TMEM140: variants seen among roughly 807,000 people sequenced by gnomAD.
The protein encoded by TMEM140 is transmembrane protein 140.
For synonymous variants in TMEM140, 107 were observed against 106.8 expected (o/e 1.00, Z -0.01); for missense variants, 236 against 228.5 (o/e 1.03, Z -0.21).
At position 135,165,142 on chromosome 7, in the gene TMEM140, G is replaced by A; in HGVS notation, c.*143G>A. ...GAGGAGGTGGGGCCCCTGTGTCAAAGAGGCCGAGGGGCAGCAAGGGCAGCC... is the reference window on the plus strand; with the variant it reads ...GAGGAGGTGGGGCCCCTGTGTCAAAAAGGCCGAGGGGCAGCAAGGGCAGCC... On this transcript the variant is annotated 3_prime_UTR_variant, in exon 2 of 2. Coordinates refer to ENST00000275767, the MANE Select transcript of TMEM140 (RefSeq NM_018295.5). The A allele has an allele frequency of 1.0e-6, 1 of 977,188 alleles. No individual in the cohort carries two copies. The highest frequency in any genetic ancestry group is 1.9e-5 in the South Asian group (1 of 51,504). The allele number at this position is 977,188 out of a possible 1,614,324, so 60.5% of individuals were successfully genotyped here.
intron 1 of TMEM140, among the ~76,000 whole-genome samples, chr7:135,160,062 A>G (rs1829889240): frequency 6.6e-6 from 1 of 152,254 alleles, no homozygotes; most frequent in East Asian, 1.9e-4. Flanking sequence ...ATGTTTAGGA[A>G]CCATTTCTAG....
intron 1 of TMEM140, among the ~76,000 whole-genome samples, chr7:135,156,160 T>G (rs1829787959): frequency 6.6e-6 from 1 of 152,228 alleles, no homozygotes; most frequent in Non-Finnish European, 1.5e-5. Context: ...ACTAGTCACT[T>G]TTGCTAATTT....
chr7:135,155,615 G>T (rs1026587457), intron 1 of TMEM140, among the ~76,000 whole-genome samples: 1 of 152,198 alleles, frequency 6.6e-6, no homozygotes, highest in African/African-American at 2.4e-5. Flanking sequence ...ATTAATTGAT[G>T]CCAGGCAGGG....
Position 135,164,966 on chromosome 7 carries a change from T to C in TMEM140, c.525T>C (p.Ala175=), listed in dbSNP as rs749478586. 1.2e-6 allele frequency: 2 copies of C among 1,604,118 alleles called. No individual in the cohort carries two copies. Among genetic ancestry groups the C allele is most frequent in the East Asian group, 2.2e-5 (1 of 44,650 alleles). Residue 175 remains alanine, a synonymous_variant, in exon 2 of 2, where the codon GCT becomes GCC. Transcript: ENST00000275767. ...CCATGGCTGTGTTCCCTCTGAGGGCTGAGAGGGCTGAGAGCAAGCTTGAGA... is the reference window on the plus strand; with the variant it reads ...CCATGGCTGTGTTCCCTCTGAGGGCCGAGAGGGCTGAGAGCAAGCTTGAGA... ...LIAMAVFPLR[A]ERAESKLESC
chr7:135,148,093 G>A lies in TMEM140; in HGVS notation c.-202G>A, dbSNP rs753203033. The A allele has an allele frequency of 2.2e-6, 1 of 456,158 alleles. No individual in the cohort carries two copies. The allele number at this position is 456,158 out of a possible 1,614,324, so 28.3% of individuals were successfully genotyped here. Reference sequence around the variant, plus strand: ...GTTCAGAGAGCTGTTTACTAGGCACGACTGCGAAGGCAAGGGGGCACCAGC... The same window carrying A: ...GTTCAGAGAGCTGTTTACTAGGCACAACTGCGAAGGCAAGGGGGCACCAGC... On this transcript the variant is annotated 5_prime_UTR_variant, in exon 1 of 2. Transcript: ENST00000275767.
rs1210146839 is a variant in TMEM140 at position 135,164,801 on chromosome 7, G to A, written c.360G>A (p.Leu120=). The A allele has an allele frequency of 6.2e-7, 1 of 1,614,118 alleles. No individual in the cohort carries two copies. The highest frequency in any genetic ancestry group is 2.2e-5 in the East Asian group (1 of 44,882). The stretch of plus-strand genomic sequence containing the variant: ...CGTGGCGGCTGGCAGTGGGCTTCCT[G>A]GCTGTGTCCTCTGTGCTGCTGGCAG... ...ERAWRLAVGF[L]AVSSVLLAGG... The change falls in exon 2 of 2, where the codon CTG becomes CTA. Residue 120 remains leucine, a synonymous_variant. Transcript: ENST00000275767.
chr7:135,156,305 T>C (rs1829790561), intron 1 of TMEM140, among the ~76,000 whole-genome samples: 1 of 152,204 alleles, frequency 6.6e-6, no homozygotes, highest in Non-Finnish European at 1.5e-5. Context: ...TTTCTAAACT[T>C]TCTAATCTCT....
chr7:135,154,915 T>G (rs1829752158), intron 1 of TMEM140, among the ~76,000 whole-genome samples: 1 of 152,232 alleles, frequency 6.6e-6, no homozygotes, highest in Non-Finnish European at 1.5e-5. Context: ...CCCAATGATC[T>G]GTCTAGTGTT....
chr7:135,160,779 T>C (rs2117459627), intron 1 of TMEM140, among the ~76,000 whole-genome samples: 1 of 149,890 alleles, frequency 6.7e-6, no homozygotes, highest in East Asian at 2.0e-4. Context: ...TGTATCAAAA[T>C]AACAAAACTG....
At chr7:135,152,895 T>C (rs1829698283) in intron 1 of TMEM140, 3 of 152,226 alleles carry the variant, frequency 2.0e-5, no homozygotes, top group Admixed American at 1.3e-4. Context: ...TAGCAACTGC[T>C]GCTGGTGGTG....
intron 1 of TMEM140, among the ~76,000 whole-genome samples, chr7:135,156,743 G>A (rs1829803440): frequency 6.6e-6 from 1 of 152,086 alleles, no homozygotes; most frequent in Admixed American, 6.5e-5. Flanking sequence ...TGCTGCTGCT[G>A]GACAGCTGTT....
intron 1 of TMEM140, chr7:135,152,678 C>T (rs1363961296): frequency 6.6e-6 from 1 of 152,190 alleles, no homozygotes; most frequent in Non-Finnish European, 1.5e-5. Flanking sequence ...TTCCACTGAT[C>T]AAAGAGTCTC....
intron 1 of TMEM140, among the ~76,000 whole-genome samples, chr7:135,163,412 T>C (rs1252248865): frequency 2.0e-5 from 3 of 151,470 alleles, no homozygotes; most frequent in Non-Finnish European, 4.4e-5. Context: ...GAGGCCAAGG[T>C]GGGTGGATCA....
In TMEM140 at chr7:135,161,337, A is replaced by T. The variant is rs909047344; in HGVS notation, c.-24-3081A>T. Among the ~76,000 whole-genome samples, 17 of 152,160 alleles carry T rather than the reference A, an allele frequency of 1.1e-4. No individual in the cohort carries two copies. The highest frequency in any genetic ancestry group is 3.9e-4 in the African/African-American group (16 of 41,530). ...TGTTTTCAAAGCAAAACGTTTAATA[A>T]TTTTTTTTGGAACCCCAGTGTAACA... On this transcript the variant is annotated intron_variant, in intron 1 of 1. Transcript: ENST00000275767. This position sits in a 1 kb window ranked among gnomAD's most constrained non-coding sequence, Gnocchi z 4.1.
intron 1 of TMEM140, among the ~76,000 whole-genome samples, chr7:135,160,818 G>A (rs1005310017): frequency 2.0e-5 from 3 of 152,076 alleles, no homozygotes; most frequent in Non-Finnish European, 2.9e-5. Flanking sequence ...CATGACACTA[G>A]AGTGGAGAAT....
Position 135,165,012 on chromosome 7 carries a change from T to C in TMEM140, c.*13T>C, listed in dbSNP as rs1424444626. Reference sequence around the variant, plus strand: ...TGAGAGCTGCTAAAGGCTTACGTGATTGCAAGGGTTCAGTTCCAACCATGG... The same window carrying C: ...TGAGAGCTGCTAAAGGCTTACGTGACTGCAAGGGTTCAGTTCCAACCATGG... On this transcript the variant is annotated 3_prime_UTR_variant, in exon 2 of 2. Transcript: ENST00000275767. 6.4e-7 allele frequency: 1 copy of C among 1,560,272 alleles called. No homozygotes were observed. The highest frequency in any genetic ancestry group is 1.2e-5 in the South Asian group (1 of 83,446).
At position 135,164,993 on chromosome 7, in the gene TMEM140, C is replaced by T. The variant is rs1830056343; in HGVS notation, c.552C>T (p.Ser184=). ...RAERAESKLE[S]C ...AGAGGGCTGAGAGCAAGCTTGAGAG[C>T]TGCTAAAGGCTTACGTGATTGCAAG... Residue 184 remains serine (S), a synonymous_variant, in exon 2 of 2, where the codon AGC becomes AGT. Coordinates refer to ENST00000275767, the MANE Select transcript of TMEM140 (RefSeq NM_018295.5). 2 of 1,584,028 alleles carry T rather than the reference C, an allele frequency of 1.3e-6. No individual in the cohort carries two copies. The highest frequency in any genetic ancestry group is 1.7e-6 in the Non-Finnish European group (2 of 1,162,474).
At chr7:135,152,953 T>C (rs1312654646) in intron 1 of TMEM140, 1 of 152,102 alleles carries the variant, frequency 6.6e-6, no homozygotes, top group Non-Finnish European at 1.5e-5. Flanking sequence ...CAAGGACTAA[T>C]ATCCAGAATC....
chr7:135,158,199 A>G (rs1829842460), intron 1 of TMEM140, among the ~76,000 whole-genome samples: 2 of 152,090 alleles, frequency 1.3e-5, no homozygotes, highest in Admixed American at 1.3e-4. Flanking sequence ...GGCAGGCAGC[A>G]TGGGCAAGAA....
Sources: allele counts gnomAD v4.1 joint callset (sites outside exome capture counted in the v4.1 genomes callset), GRCh38; gene constraint gnomAD v4.1.1; non-coding constraint Gnocchi (gnomAD v3.1); transcripts MANE v1.5; gene names NCBI Gene and HGNC (gene_info 2026-07-23, HGNC 2026-07-21).